AUTS2: variants seen among roughly 807,000 people sequenced by gnomAD.
AUTS2 encodes activator of transcription and developmental regulator AUTS2, also known as autism susceptibility gene 2 protein.
In AUTS2, 17 loss-of-function variants were observed where a neutral mutation model predicts 112.4. The observed-to-expected ratio is 0.15, with a 90% CI of 0.10 to 0.23. The LOEUF is 0.23. AUTS2 is among the 10% of genes least tolerant of loss of function. AUTS2 has a pLI of 1.00. For synonymous variants in AUTS2, 751 were observed against 702.7 expected (o/e 1.07, Z -1.09); for missense variants, 1,510 against 1,701.6 (o/e 0.89, Z 1.98).
chr7:70,328,268 C>A (rs1790582943), intron 4 of AUTS2, among the ~76,000 whole-genome samples: 1 of 152,162 alleles, frequency 6.6e-6, no homozygotes, highest in Non-Finnish European at 1.5e-5. Context: ...GTCTCCCAGG[C>A]TGGAGTATGG....
chr7:70,741,467 G>A lies in AUTS2; in HGVS notation c.743-21403G>A, dbSNP rs189017223. Reference sequence around the variant, plus strand: ...AGCACTTTGGGAGGCTGAGGCAGGCGGATCATCTGAGGTCAGGAGTTTGAG... The same window carrying A: ...AGCACTTTGGGAGGCTGAGGCAGGCAGATCATCTGAGGTCAGGAGTTTGAG... On this transcript the variant is annotated intron_variant, in intron 6 of 18. Transcript: ENST00000342771. Among the ~76,000 whole-genome samples the A allele has an allele frequency of 2.7e-3, 415 of 152,200 alleles. 3 individuals carry two copies. The highest frequency in any genetic ancestry group is 8.8e-3 in the African/African-American group (364 of 41,536).
At chr7:70,359,901 T>C (rs565815588) in intron 4 of AUTS2, among the ~76,000 whole-genome samples, 8 of 152,250 alleles carry the variant, frequency 5.3e-5, no homozygotes, top group African/African-American at 1.9e-4. Flanking sequence ...CTGACTTTGA[T>C]GTGGCAGTGA....
chr7:70,378,636 A>G (rs181897743), intron 4 of AUTS2, among the ~76,000 whole-genome samples: 1 of 152,368 alleles, frequency 6.6e-6, no homozygotes, highest in Non-Finnish European at 1.5e-5. Flanking sequence ...TCTACTTCAG[A>G]GACCATGTTT....
intron 4 of AUTS2, among the ~76,000 whole-genome samples, chr7:70,430,516 C>A (rs944546755): frequency 3.3e-5 from 5 of 152,098 alleles, no homozygotes; most frequent in South Asian, 2.1e-4. Flanking sequence ...ACACAGCTGG[C>A]AAATGTGGGC....
intron 5 of AUTS2, among the ~76,000 whole-genome samples, chr7:70,637,309 C>T (rs1805581313): frequency 6.6e-6 from 1 of 152,150 alleles, no homozygotes; most frequent in Non-Finnish European, 1.5e-5. Context: ...TCTTTAAAAC[C>T]TTCCTGGATG....
At chr7:70,068,016 T>G (rs1469948149) in intron 2 of AUTS2, among the ~76,000 whole-genome samples, 1 of 152,142 alleles carries the variant, frequency 6.6e-6, no homozygotes, top group African/African-American at 2.4e-5. Context: ...ATTTGCTATA[T>G]CTTAATTTTA....
chr7:70,337,905 C>G (rs1448438609), intron 4 of AUTS2, among the ~76,000 whole-genome samples: 1 of 152,162 alleles, frequency 6.6e-6, no homozygotes, highest in Non-Finnish European at 1.5e-5. Flanking sequence ...AATGGGCTTG[C>G]AGTGTAGTGT....
intron 1 of AUTS2, among the ~76,000 whole-genome samples, chr7:69,826,565 A>G (rs559242947): frequency 6.6e-6 from 1 of 152,292 alleles, no homozygotes; most frequent in East Asian, 1.9e-4. Context: ...TATTAATATT[A>G]AGCATCTTGC....
chr7:70,585,309 C>T (rs533972982), intron 5 of AUTS2, among the ~76,000 whole-genome samples: 4 of 152,228 alleles, frequency 2.6e-5, no homozygotes, highest in Admixed American at 2.0e-4. Context: ...TGGCTTTCTG[C>T]GGGGCTGCTG....
intron 2 of AUTS2, among the ~76,000 whole-genome samples, chr7:69,994,009 T>C (rs1798845786): frequency 6.6e-6 from 1 of 152,120 alleles, no homozygotes; most frequent in East Asian, 1.9e-4. Context: ...CAAGAAAGTC[T>C]CGCTTGTGAT....
intron 2 of AUTS2, among the ~76,000 whole-genome samples, chr7:70,108,144 G>T (rs1804871948): frequency 6.6e-6 from 1 of 152,078 alleles, no homozygotes; most frequent in South Asian, 2.1e-4. Context: ...AGATAGCTAT[G>T]GACAGTGTAG....
chr7:70,055,221 G>A (rs1425962958), intron 2 of AUTS2, among the ~76,000 whole-genome samples: 1 of 152,110 alleles, frequency 6.6e-6, no homozygotes, highest in Non-Finnish European at 1.5e-5. Flanking sequence ...GATCACCTGA[G>A]GTTGGGAGTG....
intron 2 of AUTS2, among the ~76,000 whole-genome samples, chr7:69,984,751 C>T (rs1378619694): frequency 6.6e-6 from 1 of 152,196 alleles, no homozygotes; most frequent in African/African-American, 2.4e-5. Context: ...TTCCACTCCT[C>T]TTCCTGCCTG....
rs374129095 is a variant in AUTS2 at position 69,764,376 on chromosome 7, G to GTT, written c.310-134898_310-134897dup. Among the ~76,000 whole-genome samples, 17 of 145,610 alleles carry GTT rather than the reference G, an allele frequency of 1.2e-4. No homozygotes were observed. In the East Asian group the frequency reaches 2.6e-3, roughly 22 times the overall value. ...TGCCTGCCTGCTTTTGTTCTAGAGA[G>GTT]TTTTTTTTTTTTTCTTTTTCCTTTA... On this transcript the variant is annotated intron_variant, in intron 1 of 18. Coordinates refer to ENST00000342771, the MANE Select transcript of AUTS2 (RefSeq NM_015570.4).
intron 4 of AUTS2, among the ~76,000 whole-genome samples, chr7:70,187,703 AG>A (rs1392819164): frequency 6.6e-6 from 1 of 152,028 alleles, no homozygotes; most frequent in African/African-American, 2.4e-5. Context: ...TGCAAATCTC[AG>A]ACATCTACAA....
At chr7:70,230,713 A>G (rs537234567) in intron 4 of AUTS2, among the ~76,000 whole-genome samples, 13 of 152,330 alleles carry the variant, frequency 8.5e-5, no homozygotes, top group African/African-American at 2.4e-4. Flanking sequence ...GATCGCATCA[A>G]TGCCCTCTTT....
At chr7:70,267,912 G>A (rs563898365) in intron 4 of AUTS2, among the ~76,000 whole-genome samples, 4 of 152,248 alleles carry the variant, frequency 2.6e-5, no homozygotes, top group South Asian at 2.1e-4. Context: ...CTGAGGAAAC[G>A]CTGCTTAAAC....
chr7:69,750,080 T>G (rs1787670776), intron 1 of AUTS2, among the ~76,000 whole-genome samples: 1 of 152,172 alleles, frequency 6.6e-6, no homozygotes, highest in Non-Finnish European at 1.5e-5. Flanking sequence ...TTACATAGTC[T>G]TCAGAGTTCA....
At chr7:70,000,326 C>G (rs187703956) in intron 2 of AUTS2, among the ~76,000 whole-genome samples, 2 of 152,250 alleles carry the variant, frequency 1.3e-5, no homozygotes, top group East Asian at 3.9e-4. Flanking sequence ...TCCAGCGTCA[C>G]AGGGCCTCAA....
Sources: allele counts gnomAD v4.1 joint callset (sites outside exome capture counted in the v4.1 genomes callset), GRCh38; gene constraint gnomAD v4.1.1; transcripts MANE v1.5; gene names NCBI Gene and HGNC (gene_info 2026-07-23, HGNC 2026-07-21).